The following PDGFC variants were observed in gnomAD, a reference collection of about 807,000 sequenced individuals.
PDGFC encodes the protein platelet derived growth factor C.
Under a neutral mutation model 35.5 loss-of-function variants are expected in PDGFC, and 12 were observed. The ratio of observed to expected loss-of-function variants is 0.34; its 90% CI spans 0.22 to 0.55. The LOEUF (loss-of-function observed/expected upper bound fraction) is 0.55, where lower values mean the gene tolerates loss of function less well. Among genes scored for constraint, PDGFC ranks in the 20% least tolerant of loss-of-function variants. The probability of loss-of-function intolerance (pLI) is 0.91; values close to 1 mark genes in which losing one functional copy is unlikely to be tolerated. For missense variants in PDGFC, 322 were observed against 412.4 expected, an observed-to-expected ratio of 0.78 and a Z score of 1.90; for synonymous variants, 159 against 148.8, an observed-to-expected ratio of 1.07 and a Z score of -0.50.
intron 1 of PDGFC, among the ~76,000 whole-genome samples, chr4:156,861,221 G>A (rs1295211251): frequency 6.6e-6 from 1 of 152,044 alleles, no homozygotes; most frequent in Non-Finnish European, 1.5e-5. Flanking sequence ...TAAGTGCAAA[G>A]ACAGAAAGTA....
chr4:156,958,509 G>A (rs979927397), intron 1 of PDGFC, among the ~76,000 whole-genome samples: 2 of 152,000 alleles, frequency 1.3e-5, no homozygotes, highest in African/African-American at 4.8e-5. Context: ...AAGGCTCATT[G>A]ATTTTTACTA....
At chr4:156,904,057 G>A (rs1730856816) in intron 1 of PDGFC, among the ~76,000 whole-genome samples, 2 of 152,202 alleles carry the variant, frequency 1.3e-5, no homozygotes, top group Admixed American at 6.5e-5. Context: ...TTTTGTAAAT[G>A]AAAGTGGGCC....
chr4:156,770,859 T>A (rs1009714914), intron 4 of PDGFC, among the ~76,000 whole-genome samples: 1 of 152,184 alleles, frequency 6.6e-6, no homozygotes, highest in Non-Finnish European at 1.5e-5. Flanking sequence ...AGGGTGGTCT[T>A]TCTAAGATGA....
chr4:156,850,027 T>C (rs571344682), intron 2 of PDGFC, among the ~76,000 whole-genome samples, 194 bp downstream of exon 2: 35 of 152,214 alleles, frequency 2.3e-4, no homozygotes, highest in African/African-American at 8.2e-4. Context: ...ACAATGACTT[T>C]GTATGCACAA....
At chr4:156,926,672 G>A (rs1731422325) in intron 1 of PDGFC, among the ~76,000 whole-genome samples, 1 of 152,216 alleles carries the variant, frequency 6.6e-6, no homozygotes, top group African/African-American at 2.4e-5. Context: ...GATTCAAGAG[G>A]TAGGTTTCCC....
At chr4:156,886,851 T>C (rs1261699727) in intron 1 of PDGFC, 2 of 152,228 alleles carry the variant, frequency 1.3e-5, no homozygotes, top group African/African-American at 4.8e-5. Flanking sequence ...ATAAAAGATT[T>C]AACTAACCTG....
chr4:156,765,580 T>C (rs1024138503), intron 5 of PDGFC, among the ~76,000 whole-genome samples: 2 of 152,312 alleles, frequency 1.3e-5, no homozygotes, highest in East Asian at 1.9e-4. Context: ...TTTAGGTTTG[T>C]CTGTGCAAAA....
intron 1 of PDGFC, among the ~76,000 whole-genome samples, chr4:156,959,335 C>T (rs1434634257): frequency 6.6e-6 from 1 of 151,878 alleles, no homozygotes; most frequent in East Asian, 1.9e-4. Flanking sequence ...AAACATAATA[C>T]ACACCCCTAA....
chr4:156,785,921 G>A (rs116530753), intron 3 of PDGFC, among the ~76,000 whole-genome samples: 4,471 of 152,156 alleles, frequency 0.029, 84 homozygotes, highest in Middle Eastern at 0.048. Context: ...TCTTTGCCTT[G>A]TTCTTTACCC....
chr4:156,906,189 C>T (rs1730911760), intron 1 of PDGFC, among the ~76,000 whole-genome samples: 1 of 152,034 alleles, frequency 6.6e-6, no homozygotes, highest in South Asian at 2.1e-4. Flanking sequence ...GTTCGGTGTA[C>T]CCAAACAATT....
intron 3 of PDGFC, among the ~76,000 whole-genome samples, chr4:156,783,934 T>A (rs1009038353): frequency 6.6e-6 from 1 of 152,112 alleles, no homozygotes; most frequent in Admixed American, 6.5e-5. Context: ...AGAAGAGATA[T>A]GCTTAATTTT....
chr4:156,863,483 T>C (rs115849502), intron 1 of PDGFC, among the ~76,000 whole-genome samples: 1,962 of 152,302 alleles, frequency 0.013, 25 homozygotes, highest in Admixed American at 0.02. Flanking sequence ...AGCTGTTATA[T>C]TTACAGTACT....
intron 1 of PDGFC, among the ~76,000 whole-genome samples, chr4:156,916,888 T>C (rs984525687): frequency 7.9e-5 from 12 of 152,176 alleles, no homozygotes; most frequent in Non-Finnish European, 1.3e-4. Flanking sequence ...TTAAGTCTTT[T>C]GCAATAATGA....
At chr4:156,895,280 T>G (rs756777311) in intron 1 of PDGFC, among the ~76,000 whole-genome samples, 1 of 152,148 alleles carries the variant, frequency 6.6e-6, no homozygotes, top group Non-Finnish European at 1.5e-5. Context: ...ACAAATTCTA[T>G]ATGATATACA....
intron 3 of PDGFC, among the ~76,000 whole-genome samples, chr4:156,780,330 T>C (rs1730944962): frequency 6.6e-6 from 1 of 152,006 alleles, no homozygotes; most frequent in South Asian, 2.1e-4. Context: ...TGAAAGAAAA[T>C]GTAAACTAAG....
At chr4:156,917,561 T>G (rs977211517) in intron 1 of PDGFC, among the ~76,000 whole-genome samples, 1 of 152,228 alleles carries the variant, frequency 6.6e-6, no homozygotes, top group African/African-American at 2.4e-5. Context: ...TCCTTGGAAC[T>G]GAACAGTGAC....
At chr4:156,776,362 G>C (rs1219017483) in intron 3 of PDGFC, among the ~76,000 whole-genome samples, 3 of 152,154 alleles carry the variant, frequency 2.0e-5, no homozygotes, top group Non-Finnish European at 4.4e-5. Flanking sequence ...ATAAAAATAT[G>C]ATGGTGTACT....
chr4:156,899,801 TG>T (rs1049714044), intron 1 of PDGFC, among the ~76,000 whole-genome samples: 13 of 152,100 alleles, frequency 8.5e-5, no homozygotes, highest in African/African-American at 1.4e-4. Flanking sequence ...GGTGACAGAG[TG>T]AGACTCCATC....
chr4:156,819,247 T>TAA (rs201926629), intron 2 of PDGFC, among the ~76,000 whole-genome samples: 1 of 151,850 alleles, frequency 6.6e-6, no homozygotes, highest in Non-Finnish European at 1.5e-5. Context: ...GTGGATATGC[T>TAA]AAAAAAAACA....
Sources: allele counts gnomAD v4.1 joint callset (sites outside exome capture counted in the v4.1 genomes callset), GRCh38; gene constraint gnomAD v4.1.1; transcripts MANE v1.5; gene names NCBI Gene and HGNC (gene_info 2026-07-23, HGNC 2026-07-21).